UPP2: variants seen among roughly 807,000 people sequenced by gnomAD.
The protein encoded by UPP2 is uridine phosphorylase 2.
Under a neutral mutation model 26.7 loss-of-function variants are expected in UPP2, and 23 were observed. The observed-to-expected ratio is 0.86, with a 90% confidence interval of 0.62 to 1.22. The LOEUF is 1.22. Among genes scored for constraint, UPP2 ranks in the 50% most tolerant of loss-of-function variants. The pLI, the probability that UPP2 is intolerant of heterozygous loss-of-function variation, is 0.00. For synonymous variants in UPP2, 127 were observed against 141.3 expected (o/e 0.90, Z 0.72); for missense variants, 387 against 396.7 (o/e 0.98, Z 0.21).
intron 3 of UPP2, among the ~76,000 whole-genome samples, chr2:158,060,820 A>G (rs1682340885): frequency 6.6e-6 from 1 of 152,188 alleles, no homozygotes; most frequent in Non-Finnish European, 1.5e-5. Context: ...GTGGCCATCT[A>G]CAAGTCAGGA....
intron 3 of UPP2, among the ~76,000 whole-genome samples, chr2:158,067,701 GA>G (rs1682460598): frequency 6.6e-6 from 1 of 152,134 alleles, no homozygotes; most frequent in East Asian, 1.9e-4. Context: ...AATAATTCCT[GA>G]AACTCACTTA....
At chr2:158,072,641 GAGACAGACAGACAGAC>G (rs34853147) in intron 3 of UPP2, among the ~76,000 whole-genome samples, 8,886 of 150,126 alleles carry the variant, frequency 0.059, 483 homozygotes, top group East Asian at 0.15. Context: ...CAGAGAGAAA[GAGACAGACAGACAGAC>G]AGACAGACAG....
At chr2:158,080,326 G>T (rs1484581685) in intron 3 of UPP2, among the ~76,000 whole-genome samples, 1 of 151,862 alleles carries the variant, frequency 6.6e-6, no homozygotes, top group African/African-American at 2.4e-5. Context: ...GAGCTTGCTG[G>T]CCCAATGATA....
chr2:158,115,092 T>A lies in UPP2; in HGVS notation c.181-9T>A. The A allele has an allele frequency of 6.3e-7, 1 of 1,592,010 alleles. No individual in the cohort carries two copies. Among genetic ancestry groups the A allele is most frequent in the Non-Finnish European group, 8.5e-7 (1 of 1,172,360 alleles). ...ACTATGGCAGGCCCTTGTTTATTTT[T>A]ATTAACAGTTTGTCTGTGTCGGTGG... is the stretch of plus-strand genomic sequence containing the variant. On this transcript the variant is annotated splice_polypyrimidine_tract_variant and intron_variant, in intron 2 of 6. Coordinates refer to ENST00000005756, the MANE Select transcript of UPP2 (RefSeq NM_173355.4).
At chr2:158,131,697 A>G (rs1683823166) in intron 6 of UPP2, among the ~76,000 whole-genome samples, 1 of 152,118 alleles carries the variant, frequency 6.6e-6, no homozygotes, top group Admixed American at 6.6e-5. Context: ...GTCACTAAGT[A>G]TCTCTTCCTC....
At chr2:157,995,302 T>G in intron 2 of UPP2, 1 of 1,597,306 alleles carries the variant, frequency 6.3e-7, no homozygotes, top group Non-Finnish European at 8.6e-7. Context: ...TCTAAGCACA[T>G]GTGTCTGGTC....
At position 158,083,867 on chromosome 2, in the gene UPP2, T is replaced by TTATA. The variant is rs200105900; in HGVS notation, c.148-18159_148-18156dup. On this transcript the variant is annotated intron_variant, in intron 3 of 9. Transcript: ENST00000605860. ...ATGTCTGTTTATATATATATGTTTT[T>TTATA]TATATATATATATATATCTCACAAG... is the stretch of plus-strand genomic sequence containing the variant. 2.3e-3 allele frequency among the ~76,000 whole-genome samples: 337 copies of TTATA among 145,864 alleles called. 1 individual carries two copies. Among genetic ancestry groups the TTATA allele is most frequent in the African/African-American group, 3.1e-3 (123 of 39,360 alleles).
chr2:158,092,053 A>AGATCT (rs1411428386), intron 3 of UPP2, among the ~76,000 whole-genome samples: 1 of 152,148 alleles, frequency 6.6e-6, no homozygotes, highest in Non-Finnish European at 1.5e-5. Flanking sequence ...TGAAGAAGAA[A>AGATCT]GATCTGAGAA....
At chr2:158,106,743 T>G (rs1439088425) in intron 2 of UPP2, among the ~76,000 whole-genome samples, 1 of 152,112 alleles carries the variant, frequency 6.6e-6, no homozygotes, top group African/African-American at 2.4e-5. Context: ...CTGCATTATT[T>G]ATTTTATCTG....
At chr2:158,019,098 CA>C (rs1281470008) in intron 3 of UPP2, among the ~76,000 whole-genome samples, 19 of 152,288 alleles carry the variant, frequency 1.2e-4, no homozygotes, top group Non-Finnish European at 2.2e-4. Context: ...CTATATGTGT[CA>C]TAGCCTATAA....
intron 2 of UPP2, among the ~76,000 whole-genome samples, chr2:158,015,314 T>C (rs1274483417): frequency 2.0e-5 from 3 of 152,254 alleles, no homozygotes; most frequent in African/African-American, 7.2e-5. Flanking sequence ...AGATACCTCA[T>C]ATAAGTGGAA....
At chr2:158,061,689 A>G (rs1292436563) in intron 3 of UPP2, among the ~76,000 whole-genome samples, 6 of 152,160 alleles carry the variant, frequency 3.9e-5, no homozygotes. Context: ...CTTCTAGATC[A>G]TTTGGATTAT....
At chr2:158,074,836 T>A (rs987695006) in intron 3 of UPP2, among the ~76,000 whole-genome samples, 1 of 151,564 alleles carries the variant, frequency 6.6e-6, no homozygotes, top group Non-Finnish European at 1.5e-5. Flanking sequence ...AGAATTTTTT[T>A]TTTTTTTTTA....
intron 3 of UPP2, among the ~76,000 whole-genome samples, chr2:158,049,017 G>A (rs1164795051): frequency 6.6e-6 from 1 of 152,176 alleles, no homozygotes; most frequent in Non-Finnish European, 1.5e-5. Context: ...AGTGCAGTGG[G>A]TGTGAGCCCT....
intron 3 of UPP2, among the ~76,000 whole-genome samples, chr2:158,032,065 C>A (rs1047203800): frequency 6.6e-6 from 1 of 152,144 alleles, no homozygotes; most frequent in African/African-American, 2.4e-5. Flanking sequence ...CGGAATGGTA[C>A]AGGGTCTGTA....
intron 6 of UPP2, among the ~76,000 whole-genome samples, chr2:158,125,004 T>G (rs766936373): frequency 6.6e-6 from 1 of 152,054 alleles, no homozygotes; most frequent in African/African-American, 2.4e-5. Flanking sequence ...TAACAAACAA[T>G]GAGTCTAGGC....
rs145046262 is a variant in UPP2 at position 158,055,302 on chromosome 2, T to A, written c.147+39416T>A. Among the ~76,000 whole-genome samples, 473 of 152,194 alleles carry A rather than the reference T, an allele frequency of 3.1e-3. 3 individuals carry two copies. Among genetic ancestry groups the A allele is most frequent in the African/African-American group, 0.011 (452 of 41,508 alleles). ...TTTCCCTCTCAGGATAACACATTAA[T>A]CCATTAGTCCATGAATGGATTATTC... On this transcript the variant is annotated intron_variant, in intron 3 of 9. Transcript: ENST00000605860.
intron 2 of UPP2, among the ~76,000 whole-genome samples, chr2:158,108,044 A>G (rs1301178631): frequency 6.6e-6 from 1 of 152,136 alleles, no homozygotes; most frequent in African/African-American, 2.4e-5. Flanking sequence ...TCTAGGGATG[A>G]CTCTGATTAA....
intron 2 of UPP2, among the ~76,000 whole-genome samples, chr2:157,995,578 C>A (rs1167133582): frequency 1.3e-5 from 2 of 151,966 alleles, no homozygotes; most frequent in Non-Finnish European, 2.9e-5. Context: ...ATTCATAATA[C>A]TCTTTAAGGT....
Sources: gnomAD v4.1 joint callset for allele counts (sites outside exome capture counted in the v4.1 genomes callset) on GRCh38, gnomAD v4.1.1 for gene constraint, MANE v1.5 for transcripts, NCBI Gene and HGNC (gene_info 2026-07-23, HGNC 2026-07-21) for gene names.